The following ADGRB3 variants were observed in gnomAD, a reference collection of about 807,000 sequenced individuals.
The protein encoded by ADGRB3 is brain-specific angiogenesis inhibitor 3.
Under a neutral mutation model 193.4 loss-of-function variants are expected in ADGRB3, and 37 were observed. The observed-to-expected ratio is 0.19, with a 90% CI of 0.15 to 0.25. The LOEUF (loss-of-function observed/expected upper bound fraction) is 0.25, where lower values mean the gene tolerates loss of function less well. Ranked by LOEUF, ADGRB3 falls within the 10% of genes least tolerant of loss-of-function variation. The pLI, the probability that ADGRB3 is intolerant of heterozygous loss-of-function variation, is 1.00. For synonymous variants in ADGRB3, 690 were observed against 644.2 expected (o/e 1.07, Z -1.08); for missense variants, 1,637 against 1,852.9 (o/e 0.88, Z 2.14).
chr6:69,193,397 T>G (rs61503537), intron 17 of ADGRB3, among the ~76,000 whole-genome samples: 22,353 of 152,166 alleles, frequency 0.15, 1,687 homozygotes, highest in Middle Eastern at 0.16. Flanking sequence ...TGATGACAAA[T>G]AATTTTATTC....
intron 17 of ADGRB3, among the ~76,000 whole-genome samples, chr6:69,143,362 T>G (rs1371140887): frequency 6.6e-6 from 1 of 152,222 alleles, no homozygotes; most frequent in Non-Finnish European, 1.5e-5. Context: ...AGTTGTTTAC[T>G]TTGCTGTGCA....
At chr6:68,814,061 G>T (rs574360182) in intron 3 of ADGRB3, among the ~76,000 whole-genome samples, 7 of 152,128 alleles carry the variant, frequency 4.6e-5, no homozygotes, top group East Asian at 3.9e-4. Context: ...TAATCCTTTG[G>T]GTATATACCC....
At chr6:68,659,499 A>G (rs920851389) in intron 3 of ADGRB3, among the ~76,000 whole-genome samples, 7 of 150,896 alleles carry the variant, frequency 4.6e-5, no homozygotes, top group African/African-American at 1.5e-4. Context: ...TATATATGCG[A>G]AGAAGCATAT....
At chr6:69,175,139 T>G (rs574505025) in intron 17 of ADGRB3, among the ~76,000 whole-genome samples, 14 of 151,982 alleles carry the variant, frequency 9.2e-5, no homozygotes, top group South Asian at 2.1e-4. Context: ...AGTTTTTGGG[T>G]TTTTTTTGTT....
intron 20 of ADGRB3, among the ~76,000 whole-genome samples, chr6:69,254,949 C>T (rs9454719): frequency 0.011 from 1,630 of 148,180 alleles, 23 homozygotes; most frequent in African/African-American, 0.038. Flanking sequence ...TGAGTGAGAA[C>T]ATGTGGTGTT....
chr6:69,043,157 T>C (rs757257234), intron 13 of ADGRB3, among the ~76,000 whole-genome samples: 3 of 151,690 alleles, frequency 2.0e-5, no homozygotes, highest in Non-Finnish European at 4.4e-5. Context: ...GCTGATCTTG[T>C]GTTCCCAAAT....
In ADGRB3 at chr6:69,175,070, C is replaced by G. The variant is rs970812040; in HGVS notation, c.2481-58220C>G. Among the ~76,000 whole-genome samples, 3 of 152,132 alleles carry G rather than the reference C, an allele frequency of 2.0e-5. 1 individual carries two copies. The South Asian group carries it at 6.2e-4, about 32-fold the overall frequency. On this transcript the variant is annotated intron_variant, in intron 17 of 31. Coordinates refer to ENST00000370598, the MANE Select transcript of ADGRB3 (RefSeq NM_001704.3). ...CCATTCTGTAGGTTGTCTGTTTACACTGTTGGTAGTTTCTACTGCTATGCA... is the reference window on the plus strand; with the variant it reads ...CCATTCTGTAGGTTGTCTGTTTACAGTGTTGGTAGTTTCTACTGCTATGCA...
intron 8 of ADGRB3, among the ~76,000 whole-genome samples, chr6:68,970,078 G>A (rs187057906): frequency 6.6e-6 from 1 of 152,258 alleles, no homozygotes; most frequent in Admixed American, 6.5e-5. Flanking sequence ...TCTGCCTGGA[G>A]CATTTATTGT....
chr6:69,308,107 G>T (rs1325303688), intron 20 of ADGRB3, among the ~76,000 whole-genome samples: 1 of 151,392 alleles, frequency 6.6e-6, no homozygotes, highest in African/African-American at 2.4e-5. Context: ...TTCAATTTAA[G>T]CAGATCCACT....
chr6:69,361,551 A>ATATCT, intron 29 of ADGRB3, 39 bp downstream of exon 29: 21 of 1,569,836 alleles, frequency 1.3e-5, no homozygotes, highest in Non-Finnish European at 1.7e-5. Context: ...TGATAGTTGA[A>ATATCT]ATATGAATAG....
intron 20 of ADGRB3, among the ~76,000 whole-genome samples, chr6:69,263,786 TTAA>T (rs1766977614): frequency 6.6e-6 from 1 of 151,964 alleles, no homozygotes; most frequent in Non-Finnish European, 1.5e-5. Flanking sequence ...GGAGGGAGTC[TTAA>T]TGATTAACTT....
At chr6:68,995,431 C>T (rs1391692814) in intron 11 of ADGRB3, among the ~76,000 whole-genome samples, 5 of 152,048 alleles carry the variant, frequency 3.3e-5, no homozygotes, top group African/African-American at 9.7e-5. Context: ...TGTGCAAGTT[C>T]AAGAAATTAA....
intron 8 of ADGRB3, among the ~76,000 whole-genome samples, chr6:68,971,228 A>T (rs1768558982): frequency 6.6e-6 from 1 of 152,196 alleles, no homozygotes; most frequent in African/African-American, 2.4e-5. Flanking sequence ...TCTAGTCATT[A>T]TTTCCTAAAC....
At chr6:69,271,035 G>T (rs1427093555) in intron 20 of ADGRB3, among the ~76,000 whole-genome samples, 1 of 152,064 alleles carries the variant, frequency 6.6e-6, no homozygotes, top group Non-Finnish European at 1.5e-5. Context: ...ATAATAATTT[G>T]CATTAAACTG....
At chr6:69,295,526 G>A (rs1767796052) in intron 20 of ADGRB3, among the ~76,000 whole-genome samples, 2 of 152,114 alleles carry the variant, frequency 1.3e-5, no homozygotes, top group Non-Finnish European at 2.9e-5. Flanking sequence ...AAAGCACAGA[G>A]AGCCTCCTCC....
intron 29 of ADGRB3, among the ~76,000 whole-genome samples, chr6:69,368,778 A>G (rs1769641728): frequency 1.3e-5 from 2 of 152,206 alleles, no homozygotes; most frequent in Middle Eastern, 3.4e-3. Flanking sequence ...TGAGTGTCCA[A>G]TAAGATGGAC....
chr6:69,232,359 G>A, intron 17 of ADGRB3: 5 of 1,364,540 alleles, frequency 3.7e-6, no homozygotes, highest in South Asian at 1.7e-5. Flanking sequence ...CGAACAAGAC[G>A]TAGGTTGATA....
intron 3 of ADGRB3, among the ~76,000 whole-genome samples, chr6:68,742,367 CTT>C (rs1275028945): frequency 2.6e-5 from 4 of 151,878 alleles, no homozygotes; most frequent in African/African-American, 9.7e-5. Flanking sequence ...TAAAGGAACT[CTT>C]ATAGTTTTTT....
At chr6:68,937,339 A>G (rs1767511420) in intron 5 of ADGRB3, among the ~76,000 whole-genome samples, 1 of 152,160 alleles carries the variant, frequency 6.6e-6, no homozygotes, top group Non-Finnish European at 1.5e-5. Flanking sequence ...CAGTTGATGC[A>G]CGCATGCATA....
Sources: allele counts gnomAD v4.1 joint callset (sites outside exome capture counted in the v4.1 genomes callset), GRCh38; gene constraint gnomAD v4.1.1; transcripts MANE v1.5; gene names NCBI Gene and HGNC (gene_info 2026-07-23, HGNC 2026-07-21).